Variants in PLA2G4E observed in about 807,000 individuals in gnomAD.
PLA2G4E encodes cytosolic phospholipase A2 epsilon.
Under a neutral mutation model 109.1 loss-of-function variants are expected in PLA2G4E, and 84 were observed. That is an observed-to-expected ratio of 0.77 (90% CI 0.65 to 0.92). The LOEUF is 0.92. Among genes scored for constraint, PLA2G4E ranks in the 40% least tolerant of loss-of-function variants. The probability of loss-of-function intolerance (pLI) is 0.00; values close to 1 mark genes in which losing one functional copy is unlikely to be tolerated. For synonymous variants in PLA2G4E, 469 were observed against 436.1 expected, an observed-to-expected ratio of 1.08 and a Z score of -0.94; for missense variants, 1,057 against 1,076.6, an observed-to-expected ratio of 0.98 and a Z score of 0.25.
intron 1 of PLA2G4E, among the ~76,000 whole-genome samples, chr15:42,017,133 G>A (rs1216866817): frequency 6.6e-6 from 1 of 152,222 alleles, no homozygotes; most frequent in Non-Finnish European, 1.5e-5. Context: ...TCCGTCCTGA[G>A]GGATATTCCA....
intron 4 of PLA2G4E, 89 bp from the exon 5 acceptor site, chr15:42,005,067 G>A: frequency 6.7e-7 from 1 of 1,494,960 alleles, no homozygotes. Context: ...AGCCGCTGTG[G>A]ACCTGCCTCC....
intron 1 of PLA2G4E, among the ~76,000 whole-genome samples, chr15:42,038,624 G>T (rs1172549507): frequency 6.6e-6 from 1 of 152,228 alleles, no homozygotes; most frequent in Non-Finnish European, 1.5e-5. Context: ...CTCACCTCCT[G>T]CTGTGTGGCC....
At chr15:42,023,793 G>A (rs2724938) in intron 1 of PLA2G4E, among the ~76,000 whole-genome samples, 80,755 of 151,858 alleles carry the variant, frequency 0.53, 22,602 homozygotes, top group East Asian at 0.71. Context: ...ACTCCAACTC[G>A]TATGTTTCCT....
At chr15:41,999,457 T>G (rs2068389497) in intron 10 of PLA2G4E, 67 bp downstream of exon 10, 36 of 1,206,820 alleles carry the variant, frequency 3.0e-5, no homozygotes, top group Non-Finnish European at 3.9e-5. Flanking sequence ...AAAACCACAG[T>G]GAGATACCAC....
At chr15:42,021,552 G>C (rs752834856) in intron 1 of PLA2G4E, among the ~76,000 whole-genome samples, 22 of 152,054 alleles carry the variant, frequency 1.4e-4, no homozygotes, top group Non-Finnish European at 2.6e-4. Flanking sequence ...CAAAGCTAGA[G>C]GGTGAAGAAA....
At chr15:41,992,158 A>G (rs1595559618) in intron 13 of PLA2G4E, among the ~76,000 whole-genome samples, 2 of 152,094 alleles carry the variant, frequency 1.3e-5, no homozygotes, top group Middle Eastern at 6.8e-3. Context: ...AACTGTAGAG[A>G]GTGTTATTGA....
exon 15 of PLA2G4E, chr15:41,989,456 A>G: frequency 6.2e-7 from 1 of 1,613,980 alleles, no homozygotes; most frequent in Non-Finnish European, 8.5e-7. Context: ...CCTCTTCACC[A>G]GCCGCCCCAT....
rs546781007 is a variant in PLA2G4E at position 42,036,350 on chromosome 15, G to C, written c.183+14171C>G. Among the ~76,000 whole-genome samples the C allele has an allele frequency of 5.3e-4, 80 of 152,318 alleles. 1 individual carries two copies. The highest frequency in any genetic ancestry group is 1.8e-3 in the African/African-American group (76 of 41,568). On this transcript the variant is annotated intron_variant, in intron 1 of 19. Transcript: ENST00000399518. ...CTGAAGTGGAACTGGGCCCAGAGCG[G>C]TGCTGCTCTTGCACTGGGAGCAGGA...
chr15:41,992,865 G>A, exon 13 of PLA2G4E: 23 of 1,614,044 alleles, frequency 1.4e-5, no homozygotes, highest in Non-Finnish European at 1.9e-5. Context: ...AGGGAGGGTA[G>A]CTTGTCCTTT....
At chr15:42,015,647 A>G (rs1445700589) in intron 1 of PLA2G4E, among the ~76,000 whole-genome samples, 1 of 152,220 alleles carries the variant, frequency 6.6e-6, no homozygotes, top group Non-Finnish European at 1.5e-5. Context: ...CAGAGGTTAA[A>G]GGCAACAGCG....
rs911464855 is a variant in PLA2G4E at position 42,000,031 on chromosome 15, G to T, written c.853-31C>A. The T allele has an allele frequency of 1.9e-6, 3 of 1,588,872 alleles. No homozygotes were observed. In the Admixed American group the frequency reaches 5.3e-5, roughly 28 times the overall value. ...GGGATGGGTGGGTTCTGTGAGAGGG[G>T]CTGGGGAGCTCCTCTGGCACCCCCC... On this transcript the variant is annotated intron_variant, in intron 8 of 19. Transcript: ENST00000399518.
chr15:42,025,488 C>T (rs1244229892), intron 1 of PLA2G4E, among the ~76,000 whole-genome samples: 1 of 151,882 alleles, frequency 6.6e-6, no homozygotes, highest in African/African-American at 2.4e-5. Flanking sequence ...AGGCATACCT[C>T]CCCCCACCCC....
intron 15 of PLA2G4E, among the ~76,000 whole-genome samples, chr15:41,988,537 T>C (rs765411827): frequency 2.0e-5 from 3 of 152,168 alleles, no homozygotes; most frequent in Non-Finnish European, 2.9e-5. Context: ...AAATGCTATT[T>C]GTTATTATGA....
intron 1 of PLA2G4E, among the ~76,000 whole-genome samples, chr15:42,046,096 T>G (rs938061677): frequency 6.6e-5 from 10 of 152,150 alleles, no homozygotes; most frequent in African/African-American, 2.4e-4. Context: ...CCACTCCTAC[T>G]GTCCAATGCT....
chr15:42,007,634 G>A (rs1428118882), intron 3 of PLA2G4E, 95 bp downstream of exon 3: 1 of 1,415,660 alleles, frequency 7.1e-7, no homozygotes, highest in Non-Finnish European at 9.7e-7. Context: ...GGAAAACAAA[G>A]AGGCATAAGA....
exon 20 of PLA2G4E, chr15:41,982,948 C>T (rs549752091): frequency 1.6e-4 from 24 of 152,266 alleles, no homozygotes; most frequent in East Asian, 1.2e-3. Flanking sequence ...ATTAATACTC[C>T]GATTCATAAA....
At chr15:42,011,423 C>T (rs1181431002) in intron 2 of PLA2G4E, among the ~76,000 whole-genome samples, 1 of 152,222 alleles carries the variant, frequency 6.6e-6, no homozygotes, top group African/African-American at 2.4e-5. Flanking sequence ...GACAGACACA[C>T]CTCAAAAGGA....
At chr15:42,050,152 C>T (rs1889483250) in intron 1 of PLA2G4E, among the ~76,000 whole-genome samples, 1 of 152,204 alleles carries the variant, frequency 6.6e-6, no homozygotes, top group Admixed American at 6.5e-5. Context: ...TTCTCAGCAT[C>T]GTGTTGACAA....
At chr15:42,045,363 G>A (rs1238785428) in intron 1 of PLA2G4E, among the ~76,000 whole-genome samples, 1 of 152,184 alleles carries the variant, frequency 6.6e-6, no homozygotes, top group Admixed American at 6.5e-5. Flanking sequence ...GGGGTGGGGT[G>A]GGGCCCCTGG....
Sources: allele counts gnomAD v4.1 joint callset (sites outside exome capture counted in the v4.1 genomes callset), GRCh38; gene constraint gnomAD v4.1.1; transcripts MANE v1.5; gene names NCBI Gene and HGNC (gene_info 2026-07-23, HGNC 2026-07-21).